The following EBF4 variants were observed in gnomAD, a reference collection of about 807,000 sequenced individuals.
EBF4 encodes the protein transcription factor COE4.
EBF4 carries 34 observed loss-of-function variants against 67.1 expected under a neutral mutation model. The observed-to-expected ratio is 0.51, with a 90% confidence interval of 0.39 to 0.67. EBF4 has a LOEUF of 0.67. EBF4 is among the 30% of genes least tolerant of loss of function. EBF4 has a pLI of 0.00. For synonymous variants in EBF4, 387 were observed against 377.7 expected (o/e 1.02, Z -0.29); for missense variants, 837 against 873.3 (o/e 0.96, Z 0.52).
In EBF4 at chr20:2,752,041, G is replaced by A. The variant is rs1316760149; in HGVS notation, c.1174-45G>A. ...CCGGGACCGGGGCCCCCCAGCACGC[G>A]GCGCCCGCGGCTGCCCCGGCCGTGC... On this transcript the variant is annotated intron_variant, in intron 12 of 16. Coordinates refer to ENST00000609451, the Ensembl canonical transcript of EBF4. 5 of 1,485,600 alleles carry A rather than the reference G, an allele frequency of 3.4e-6. No individual in the cohort carries two copies. In the South Asian group the frequency reaches 5.4e-5, roughly 16 times the overall value. The allele number at this position is 1,485,600 out of a possible 1,614,324, so 92.0% of individuals were successfully genotyped here.
Position 2,696,508 on chromosome 20 carries a change from T to G in EBF4, c.137+2726T>G, listed in dbSNP as rs781562632. 1.1e-3 allele frequency among the ~76,000 whole-genome samples: 173 copies of G among 152,064 alleles called. 3 individuals are homozygous for G. Among genetic ancestry groups the G allele is most frequent in the Non-Finnish European group, 2.0e-3 (135 of 67,948 alleles). ...AGTAAATAAATAAAATAAAATAAAATAAAGTGACCAACCCCCAAGCCCCAC... is the reference window on the plus strand; with the variant it reads ...AGTAAATAAATAAAATAAAATAAAAGAAAGTGACCAACCCCCAAGCCCCAC... On this transcript the variant is annotated intron_variant, in intron 1 of 16. Transcript: ENST00000609451. The surrounding 1 kb of genome is among the most constrained non-coding windows in gnomAD (Gnocchi z 4.7).
chr20:2,699,427 C>T (rs1000546155), intron 1 of EBF4, among the ~76,000 whole-genome samples: 2 of 152,138 alleles, frequency 1.3e-5, no homozygotes, highest in Non-Finnish European at 2.9e-5. Context: ...CTTTAATTTT[C>T]GGTCTATTTA....
intron 6 of EBF4, among the ~76,000 whole-genome samples, chr20:2,738,862 A>G (rs2087926799): frequency 6.6e-6 from 1 of 152,240 alleles, no homozygotes; most frequent in Non-Finnish European, 1.5e-5. Flanking sequence ...GAAGGTGTTC[A>G]GGCGCATGGT....
At chr20:2,734,391 G>C (rs2087851989) in intron 6 of EBF4, among the ~76,000 whole-genome samples, 1 of 152,172 alleles carries the variant, frequency 6.6e-6, no homozygotes, top group Non-Finnish European at 1.5e-5. Context: ...CTGGGCAACA[G>C]AGCAAGACCC....
intron 6 of EBF4, among the ~76,000 whole-genome samples, chr20:2,729,852 A>T (rs2087791002): frequency 6.6e-6 from 1 of 152,192 alleles, no homozygotes; most frequent in Admixed American, 6.5e-5. Context: ...TTCCTCCCTC[A>T]CAGGGAGTGA....
chr20:2,732,923 A>G (rs775507546), intron 6 of EBF4, among the ~76,000 whole-genome samples: 10 of 152,202 alleles, frequency 6.6e-5, no homozygotes, highest in African/African-American at 1.2e-4. Context: ...AAATCATTAC[A>G]AACAAAAATA....
At chr20:2,723,788 A>G (rs1409239991) in intron 6 of EBF4, among the ~76,000 whole-genome samples, 1 of 152,168 alleles carries the variant, frequency 6.6e-6, no homozygotes, top group Non-Finnish European at 1.5e-5. Context: ...TAAAAATTTT[A>G]TATCTTTAAT....
At chr20:2,704,032 C>G (rs1160116668) in intron 1 of EBF4, among the ~76,000 whole-genome samples, 2 of 152,148 alleles carry the variant, frequency 1.3e-5, no homozygotes, top group Non-Finnish European at 2.9e-5. Context: ...AGCTGGCTTC[C>G]CCCTGAATCA....
exon 13 of EBF4, chr20:2,752,088 G>C: frequency 2.1e-6 from 3 of 1,456,058 alleles, no homozygotes; most frequent in Non-Finnish European, 2.7e-6. Context: ...CTTCGCAGGA[G>C]CTGCTCCTGA....
exon 14 of EBF4, chr20:2,752,409 C>T: frequency 7.8e-7 from 1 of 1,288,076 alleles, no homozygotes; most frequent in East Asian, 3.2e-5. Context: ...CGCCCAGCCC[C>T]GGCTCGCAGC....
At chr20:2,749,445 C>T (rs554847712) in exon 8 of EBF4, 2 of 1,548,250 alleles carry the variant, frequency 1.3e-6, no homozygotes, top group South Asian at 2.4e-5. Context: ...ACGTGCTGGC[C>T]GTGTCCGACA....
At chr20:2,721,767 C>T (rs1034752288) in intron 6 of EBF4, among the ~76,000 whole-genome samples, 7 of 152,250 alleles carry the variant, frequency 4.6e-5, no homozygotes, top group Admixed American at 3.9e-4. Flanking sequence ...ATGTCTCTAA[C>T]TTTCTGAACA....
intron 6 of EBF4, among the ~76,000 whole-genome samples, chr20:2,743,295 G>T (rs564532266): frequency 2.2e-4 from 33 of 152,282 alleles, no homozygotes; most frequent in African/African-American, 7.2e-4. Flanking sequence ...ACCAGGCAGC[G>T]GCACCCGGAG....
rs987157694 is a variant in EBF4 at position 2,745,684 on chromosome 20, G to A, written c.558-2865G>A. Among the ~76,000 whole-genome samples, 1 of 152,194 alleles carries A rather than the reference G, an allele frequency of 6.6e-6. No homozygotes were observed. Among genetic ancestry groups the A allele is most frequent in the Non-Finnish European group, 1.5e-5 (1 of 68,034 alleles). On this transcript the variant is annotated intron_variant, in intron 6 of 16. Coordinates refer to ENST00000609451, the Ensembl canonical transcript of EBF4. This position sits in a 1 kb window ranked among gnomAD's most constrained non-coding sequence, Gnocchi z 5.2. ...GAGCAGGAAACCACAGCCTTGGGGA[G>A]GGCAGAAGTAAAGGATGTCCCAGAG...
intron 1 of EBF4, among the ~76,000 whole-genome samples, chr20:2,694,351 G>T (rs1372047260): frequency 6.6e-6 from 1 of 152,204 alleles, no homozygotes; most frequent in Non-Finnish European, 1.5e-5. Context: ...ACTGGGCAGG[G>T]CCCCTGCCTT....
chr20:2,712,723 C>T (rs964586801), intron 6 of EBF4, among the ~76,000 whole-genome samples: 1 of 151,968 alleles, frequency 6.6e-6, no homozygotes, highest in Non-Finnish European at 1.5e-5. Context: ...CCTGAGGTGT[C>T]TAGTATTTAG....
intron 4 of EBF4, 53 bp downstream of exon 4, chr20:2,706,317 G>C: frequency 1.9e-6 from 3 of 1,546,794 alleles, no homozygotes; most frequent in Non-Finnish European, 2.6e-6. Context: ...CCCGGACCCT[G>C]CCTCCCCCTG....
chr20:2,732,592 T>C (rs1028845227), intron 6 of EBF4, among the ~76,000 whole-genome samples: 6 of 152,230 alleles, frequency 3.9e-5, no homozygotes, highest in Admixed American at 1.3e-4. Context: ...TATCTCTTTT[T>C]CCATCCCTTT....
At chr20:2,705,437 C>T (rs1450384070) in intron 1 of EBF4, 140 bp from the exon 2 acceptor site, 3 of 1,160,184 alleles carry the variant, frequency 2.6e-6, no homozygotes, top group African/African-American at 1.5e-5. Context: ...CTGGAAAGGG[C>T]CTGTCTAGTT....
Sources: gnomAD v4.1 joint callset for allele counts (sites outside exome capture counted in the v4.1 genomes callset) on GRCh38, gnomAD v4.1.1 for gene constraint, Gnocchi (gnomAD v3.1) non-coding constraint, MANE v1.5 for transcripts, NCBI Gene and HGNC (gene_info 2026-07-23, HGNC 2026-07-21) for gene names.